Variants in CDH13 observed in about 807,000 individuals in gnomAD.
CDH13 encodes cadherin 13, also known as cadherin-13.
CDH13 carries 24 observed loss-of-function variants against 63.8 expected under a neutral mutation model. The observed-to-expected ratio is 0.38, with a 90% confidence interval of 0.27 to 0.53. The LOEUF (loss-of-function observed/expected upper bound fraction) is 0.53, where lower values mean the gene tolerates loss of function less well. Among genes scored for constraint, CDH13 ranks in the 20% least tolerant of loss-of-function variants. CDH13 has a pLI of 0.85. For synonymous variants in CDH13, 503 were observed against 355.3 expected (o/e 1.42, Z -4.67); for missense variants, 1,049 against 903.1 (o/e 1.16, Z -2.07).
intron 1 of CDH13, among the ~76,000 whole-genome samples, chr16:82,828,324 A>G (rs923563643): frequency 8.5e-5 from 13 of 152,216 alleles, no homozygotes; most frequent in African/African-American, 3.1e-4. Flanking sequence ...CTATGGATCA[A>G]AAGTATCCTC....
At chr16:82,847,753 G>T (rs983254000) in intron 1 of CDH13, among the ~76,000 whole-genome samples, 2 of 152,154 alleles carry the variant, frequency 1.3e-5, no homozygotes, top group Non-Finnish European at 2.9e-5. Flanking sequence ...CGTTTCTCTA[G>T]CAAAGAGCAT....
chr16:83,519,923 C>T (rs74449309), intron 7 of CDH13, among the ~76,000 whole-genome samples: 1 of 151,982 alleles, frequency 6.6e-6, no homozygotes, highest in Admixed American at 6.6e-5. Context: ...CTTCTGCTTG[C>T]TATGTTGAGT....
At chr16:82,814,779 C>A (rs2037620589) in intron 1 of CDH13, among the ~76,000 whole-genome samples, 2 of 152,138 alleles carry the variant, frequency 1.3e-5, no homozygotes, top group Admixed American at 6.5e-5. Context: ...GTGGGTCAGT[C>A]AGAAGCACAG....
chr16:83,657,543 T>C (rs1185675964), intron 8 of CDH13, among the ~76,000 whole-genome samples: 1 of 152,172 alleles, frequency 6.6e-6, no homozygotes, highest in African/African-American at 2.4e-5. Context: ...TCCTTGACAA[T>C]CATTTTCTAC....
chr16:82,976,626 T>C (rs1020953573), intron 2 of CDH13, among the ~76,000 whole-genome samples: 11 of 152,056 alleles, frequency 7.2e-5, no homozygotes, highest in Admixed American at 2.6e-4. Context: ...CAGGAGGAGA[T>C]TGAGACTTGC....
intron 5 of CDH13, among the ~76,000 whole-genome samples, chr16:83,310,314 A>G (rs555916849): frequency 3.2e-4 from 49 of 152,328 alleles, no homozygotes; most frequent in African/African-American, 1.1e-3. Flanking sequence ...TGCATTTTTG[A>G]TAAGGTAAAT....
intron 4 of CDH13, among the ~76,000 whole-genome samples, chr16:83,127,585 C>G (rs892284970): frequency 6.6e-6 from 1 of 151,882 alleles, no homozygotes; most frequent in African/African-American, 2.4e-5. Context: ...CAAAAATTAG[C>G]CAGTGTCATG....
chr16:83,334,922 T>C (rs962663879), intron 5 of CDH13, among the ~76,000 whole-genome samples: 5 of 152,200 alleles, frequency 3.3e-5, no homozygotes, highest in African/African-American at 4.8e-5. Flanking sequence ...CCTGTACATA[T>C]ATTGATAATA....
intron 2 of CDH13, among the ~76,000 whole-genome samples, chr16:82,975,041 C>T (rs548517441): frequency 6.6e-6 from 1 of 152,204 alleles, no homozygotes; most frequent in East Asian, 1.9e-4. Context: ...CTCACGTCTG[C>T]ACACCCTCGG....
intron 3 of CDH13, among the ~76,000 whole-genome samples, chr16:83,060,733 G>T (rs2031463930): frequency 6.6e-6 from 1 of 152,122 alleles, no homozygotes; most frequent in African/African-American, 2.4e-5. Context: ...AGGATGCACA[G>T]GTTTACATTT....
At chr16:83,148,745 G>A (rs868680468) in intron 4 of CDH13, among the ~76,000 whole-genome samples, 6 of 152,130 alleles carry the variant, frequency 3.9e-5, no homozygotes, top group Non-Finnish European at 7.4e-5. Flanking sequence ...GGTGTGAATG[G>A]CACTTTTGAA....
chr16:83,009,030 C>T (rs995343909), intron 2 of CDH13, among the ~76,000 whole-genome samples: 1 of 152,172 alleles, frequency 6.6e-6, no homozygotes, highest in African/African-American at 2.4e-5. Context: ...ATCATGACAA[C>T]AGCATGGGGG....
intron 5 of CDH13, among the ~76,000 whole-genome samples, chr16:83,232,969 G>A (rs1224453729): frequency 6.6e-6 from 1 of 152,164 alleles, no homozygotes; most frequent in Non-Finnish European, 1.5e-5. Flanking sequence ...TGATGCTGAT[G>A]TTGTCTGACC....
intron 6 of CDH13, among the ~76,000 whole-genome samples, chr16:83,473,720 A>G (rs1028075671): frequency 1.3e-5 from 2 of 152,180 alleles, no homozygotes; most frequent in African/African-American, 4.8e-5. Context: ...GTAATGTGAA[A>G]TATCTGACAT....
intron 6 of CDH13, among the ~76,000 whole-genome samples, chr16:83,442,210 C>T (rs2072498945): frequency 1.3e-5 from 2 of 152,148 alleles, no homozygotes; most frequent in Admixed American, 6.5e-5. Context: ...CGTTTATTTT[C>T]CCTGGGCCTC....
At chr16:83,689,983 T>C (rs1904687008) in intron 10 of CDH13, among the ~76,000 whole-genome samples, 1 of 152,110 alleles carries the variant, frequency 6.6e-6, no homozygotes, top group Non-Finnish European at 1.5e-5. Flanking sequence ...GTCAGGAATT[T>C]GAGACCAGCC....
intron 1 of CDH13, among the ~76,000 whole-genome samples, chr16:82,694,777 G>A (rs1009027361): frequency 6.6e-6 from 1 of 152,204 alleles, no homozygotes; most frequent in African/African-American, 2.4e-5. Flanking sequence ...ACTGTGGGCA[G>A]ACCCTGGAGA....
intron 1 of CDH13, among the ~76,000 whole-genome samples, chr16:82,681,813 T>C (rs1164281014): frequency 2.0e-5 from 3 of 152,330 alleles, no homozygotes; most frequent in East Asian, 1.9e-4. Flanking sequence ...AGGACTGACA[T>C]GCGTCAATGT....
chr16:83,143,378 TATAC>T (rs2036617176), intron 4 of CDH13, among the ~76,000 whole-genome samples: 1 of 152,190 alleles, frequency 6.6e-6, no homozygotes, highest in Non-Finnish European at 1.5e-5. Flanking sequence ...TATGTATTCA[TATAC>T]ATACTATAAA....
Sources: allele counts gnomAD v4.1 joint callset (sites outside exome capture counted in the v4.1 genomes callset), GRCh38; gene constraint gnomAD v4.1.1; transcripts MANE v1.5; gene names NCBI Gene and HGNC (gene_info 2026-07-23, HGNC 2026-07-21).